The following GET1 variants were observed in gnomAD, a reference collection of about 807,000 sequenced individuals.
GET1 encodes the protein congenital heart disease 5 protein.
Under a neutral mutation model 22.6 loss-of-function variants are expected in GET1, and 20 were observed. That is an observed-to-expected ratio of 0.89 (90% CI 0.62 to 1.29). The LOEUF (loss-of-function observed/expected upper bound fraction) is 1.29, where lower values mean the gene tolerates loss of function less well. GET1 is among the 50% of genes most tolerant of loss of function. The pLI is 0.00. For missense variants in GET1, 209 were observed against 219.9 expected (o/e 0.95, Z 0.31); for synonymous variants, 92 against 83.8 (o/e 1.10, Z -0.53).
chr21:39,413,596 G>A (rs2040488732), intron 1 of GET1, among the ~76,000 whole-genome samples: 1 of 152,168 alleles, frequency 6.6e-6, no homozygotes, highest in Non-Finnish European at 1.5e-5. Flanking sequence ...ATCTTTTCTA[G>A]AATTTAAGTT....
chr21:39,421,975 G>C (rs1194798515), intron 1 of GET1: 1 of 152,070 alleles, frequency 6.6e-6, no homozygotes, highest in Non-Finnish European at 1.5e-5. Context: ...GCTTTTACAT[G>C]ACAGACATAC....
At chr21:39,411,594 C>A, downstream of GET1, 1 of 497,874 alleles carries the variant, frequency 2.0e-6, no homozygotes, top group Non-Finnish European at 3.6e-6. Context: ...TCTAGAATCA[C>A]AAAATGTATT....
At chr21:39,420,428 TAAG>T (rs1180738057) in intron 1 of GET1, among the ~76,000 whole-genome samples, 1 of 138,338 alleles carries the variant, frequency 7.2e-6, no homozygotes, top group Non-Finnish European at 1.5e-5. Flanking sequence ...GAGGTTGAGA[TAAG>T]AGAATCACTT....
At chr21:39,419,536 G>C (rs74693568) in intron 1 of GET1, among the ~76,000 whole-genome samples, 3 of 129,014 alleles carry the variant, frequency 2.3e-5, no homozygotes, top group African/African-American at 3.4e-5. Flanking sequence ...AAAAAAAAAA[G>C]AAAAAAGAAA....
chr21:39,403,448 T>A (rs2038891684), intron 4 of GET1, among the ~76,000 whole-genome samples: 1 of 151,886 alleles, frequency 6.6e-6, no homozygotes, highest in African/African-American at 2.4e-5. Flanking sequence ...CGCCTCAGCC[T>A]CTCCAGTAGC....
At position 39,393,277 on chromosome 21, in the gene GET1, G is replaced by C. The variant is rs1191587716; in HGVS notation, c.448G>C (p.Ala150Pro). Reference sequence around the variant, plus strand: ...CCTGGTAGCCTTTCCTACTAGAGTAGCAGGTAAGAATTTTCTGGAAGATGC... The same window carrying C: ...CCTGGTAGCCTTTCCTACTAGAGTACCAGGTAAGAATTTTCTGGAAGATGC... ...DRLVAFPTRVAGGVGITCWIL... is the reference protein window; with the variant it reads ...DRLVAFPTRVPGGVGITCWIL... Residue 150 changes from alanine (A) to proline (P), a missense_variant, in exon 4 of 5, where the codon GCA (alanine) becomes CCA (proline). Ala to Pro is a conservative substitution (Grantham distance 27). Transcript: ENST00000649170. The C allele has an allele frequency of 6.2e-7, 1 of 1,612,920 alleles. No individual in the cohort carries two copies. The highest frequency in any genetic ancestry group is 2.2e-5 in the East Asian group (1 of 44,886).
chr21:39,410,187 C>T, downstream of GET1: 3 of 1,246,492 alleles, frequency 2.4e-6, no homozygotes, highest in South Asian at 3.7e-5. Flanking sequence ...ATACTTTTCA[C>T]ATAGAACAAG....
At chr21:39,406,173 A>C (rs140223204) in exon 5 of GET1, 5 of 1,614,154 alleles carry the variant, frequency 3.1e-6, no homozygotes, top group Non-Finnish European at 4.2e-6. Context: ...ATGAGGGCTC[A>C]TACCCACTGT....
chr21:39,387,730 A>T (rs1385264650), intron 1 of GET1: 10 of 952,058 alleles, frequency 1.1e-5, no homozygotes, highest in Non-Finnish European at 1.2e-5. Flanking sequence ...AGGCGCTGGT[A>T]GGCGGCATCA....
At chr21:39,421,950 C>A (rs1205916858) in intron 1 of GET1, 1 of 152,152 alleles carries the variant, frequency 6.6e-6, no homozygotes, top group Non-Finnish European at 1.5e-5. Context: ...TAGATACATA[C>A]ATGAAAACAG....
At chr21:39,398,290 G>A (rs920765152), downstream of GET1, among the ~76,000 whole-genome samples, 2 of 152,158 alleles carry the variant, frequency 1.3e-5, no homozygotes, top group Non-Finnish European at 2.9e-5. Flanking sequence ...AAGGGGGCAC[G>A]TGCCTAACTC....
intron 1 of GET1, among the ~76,000 whole-genome samples, chr21:39,421,101 G>GTTTT (rs200770360): frequency 1.6e-5 from 2 of 125,398 alleles, no homozygotes; most frequent in African/African-American, 2.8e-5. Flanking sequence ...TTAACAATTC[G>GTTTT]TTTTTTTTTT....
rs189477996 is a variant in GET1 at position 39,390,631 on chromosome 21, G to T, written c.103-67G>T. 3.8e-6 allele frequency: 6 copies of T among 1,581,694 alleles called. No homozygotes were observed. The East Asian group carries it at 9.0e-5, about 24-fold the overall frequency. On this transcript the variant is annotated intron_variant, in intron 1 of 4. Coordinates refer to ENST00000649170, the MANE Select transcript of GET1 (RefSeq NM_004627.6). ...GGTCAGGGCATAGACAGAAAGTAGC[G>T]GGGGACTGGGGAACCCTCCTGTGAC...
downstream of GET1, chr21:39,410,380 T>C: frequency 7.2e-7 from 1 of 1,388,586 alleles, no homozygotes. Flanking sequence ...ATGGAACAGG[T>C]AGATTATATG....
intron 1 of GET1, among the ~76,000 whole-genome samples, chr21:39,390,042 GT>G (rs553712185): frequency 0.19 from 24,660 of 130,764 alleles, 1,596 homozygotes; most frequent in African/African-American, 0.24. Flanking sequence ...TTGAATATGA[GT>G]TTTTTTTTTT....
chr21:39,409,601 T>C (rs2039724175), downstream of GET1, among the ~76,000 whole-genome samples: 1 of 152,074 alleles, frequency 6.6e-6, no homozygotes, highest in Non-Finnish European at 1.5e-5. The surrounding 1 kb of genome is among the most constrained non-coding windows in gnomAD (Gnocchi z 4.2). Context: ...TGTTTTTTTT[T>C]TAATTTTTTG....
chr21:39,395,248 T>C (rs967806198), intron 4 of GET1, among the ~76,000 whole-genome samples: 4 of 152,188 alleles, frequency 2.6e-5, no homozygotes, highest in African/African-American at 9.7e-5. Context: ...TGATGAAGGA[T>C]ATTTATTCCG....
At chr21:39,423,444 T>G in intron 1 of GET1, 1 of 1,589,338 alleles carries the variant, frequency 6.3e-7, no homozygotes, top group Non-Finnish European at 8.5e-7. Context: ...AATTAAAGAG[T>G]GATGCATTCC....
At chr21:39,402,365 A>G (rs2038862687), downstream of GET1, among the ~76,000 whole-genome samples, 1 of 152,154 alleles carries the variant, frequency 6.6e-6, no homozygotes, top group South Asian at 2.1e-4. Flanking sequence ...TCGGCCTCCC[A>G]AAGTGTTGGG....
Sources: allele counts gnomAD v4.1 joint callset (sites outside exome capture counted in the v4.1 genomes callset), GRCh38; gene constraint gnomAD v4.1.1; non-coding constraint Gnocchi (gnomAD v3.1); transcripts MANE v1.5; gene names NCBI Gene and HGNC (gene_info 2026-07-23, HGNC 2026-07-21).